The following AMBRA1 variants were observed in gnomAD, a reference collection of about 807,000 sequenced individuals.
The protein encoded by AMBRA1 is activating molecule in BECN1-regulated autophagy protein 1.
Under a neutral mutation model 125.4 loss-of-function variants are expected in AMBRA1, and 47 were observed. The observed-to-expected ratio is 0.37, with a 90% CI of 0.30 to 0.48. The LOEUF (loss-of-function observed/expected upper bound fraction) is 0.48, where lower values mean the gene tolerates loss of function less well. Among genes scored for constraint, AMBRA1 ranks in the 20% least tolerant of loss-of-function variants. AMBRA1 has a pLI of 0.99. For synonymous variants in AMBRA1, 626 were observed against 655.5 expected, an observed-to-expected ratio of 0.95 and a Z score of 0.69; for missense variants, 1,331 against 1,693.4, an observed-to-expected ratio of 0.79 and a Z score of 3.76.
At chr11:46,423,512 C>T (rs1429957979) in intron 14 of AMBRA1, among the ~76,000 whole-genome samples, 1 of 151,942 alleles carries the variant, frequency 6.6e-6, no homozygotes, top group Non-Finnish European at 1.5e-5. Flanking sequence ...CTGCCTCAGC[C>T]TCCTGAGTAG....
At chr11:46,572,547 C>T in intron 1 of AMBRA1, among the ~76,000 whole-genome samples, 1 of 152,154 alleles carries the variant, frequency 6.6e-6, no homozygotes, top group East Asian at 1.9e-4. Flanking sequence ...TAAGCACCCA[C>T]CATGAGGTGC....
At chr11:46,424,255 T>C (rs888497251) in intron 14 of AMBRA1, among the ~76,000 whole-genome samples, 1 of 152,184 alleles carries the variant, frequency 6.6e-6, no homozygotes, top group African/African-American at 2.4e-5. Context: ...AGCCTTTTTT[T>C]TTTTTTAATT....
chr11:46,446,158 G>A lies in AMBRA1; in HGVS notation c.2522-2560C>T, dbSNP rs140954843. ...TCTCTGCCAATGGTGCCAGGGTGCT[G>A]AGGAGGAATGAAGCCTGGCACCAAG... is the stretch of plus-strand genomic sequence containing the variant. On this transcript the variant is annotated intron_variant, in intron 11 of 17. Transcript: ENST00000683756. Among the ~76,000 whole-genome samples, 1,237 of 152,296 alleles carry A rather than the reference G, an allele frequency of 8.1e-3. 9 individuals are homozygous for A. The highest frequency in any genetic ancestry group is 0.014 in the Non-Finnish European group (957 of 68,030).
At chr11:46,477,074 G>A (rs923132471) in intron 11 of AMBRA1, among the ~76,000 whole-genome samples, 4 of 148,672 alleles carry the variant, frequency 2.7e-5, no homozygotes, top group African/African-American at 5.0e-5. Context: ...TTGCGCCACT[G>A]CACTCCAGCC....
At chr11:46,421,012 CCT>C (rs1450172984) in intron 14 of AMBRA1, among the ~76,000 whole-genome samples, 1 of 152,182 alleles carries the variant, frequency 6.6e-6, no homozygotes, top group Non-Finnish European at 1.5e-5. Flanking sequence ...ACAAAACAAG[CCT>C]CTGTCACAAA....
Position 46,493,647 on chromosome 11 carries a change from C to T in AMBRA1, c.2482G>A (p.Gly828Ser). The T allele has an allele frequency of 6.2e-7, 1 of 1,604,542 alleles. No individual in the cohort carries two copies. Reference sequence around the variant, plus strand: ...TTAACAGAAGAGTGAGTAGCCAAGCCAGGCTGTCCACGTTCATGAAAAATC... The same window carrying T: ...TTAACAGAAGAGTGAGTAGCCAAGCTAGGCTGTCCACGTTCATGAAAAATC... ...AGIFHERGQP[G>S]LATHSSVNRV... The change falls in exon 11 of 18, where the codon GGC becomes AGC. Residue 828 changes from glycine (G) to serine (S), a missense_variant. Transcript: ENST00000683756.
chr11:46,450,606 AT>A (rs1026846852), intron 11 of AMBRA1, among the ~76,000 whole-genome samples: 1 of 151,240 alleles, frequency 6.6e-6, no homozygotes, highest in Non-Finnish European at 1.5e-5. Flanking sequence ...TGACCAGCTG[AT>A]TTTTTTTGTA....
At chr11:46,539,348 G>A (rs1405031509) in intron 7 of AMBRA1, among the ~76,000 whole-genome samples, 7 of 152,004 alleles carry the variant, frequency 4.6e-5, no homozygotes, top group East Asian at 1.9e-4. Flanking sequence ...ACCTGAGGTC[G>A]GGAGTTTGAG....
chr11:46,547,690 G>T (rs937824992), intron 3 of AMBRA1, 127 bp downstream of exon 3: 1 of 885,054 alleles, frequency 1.1e-6, no homozygotes, highest in Non-Finnish European at 1.7e-6. Context: ...TTCCGACACG[G>T]GGCCAAAGTG....
At chr11:46,531,853 C>G (rs1952231580) in intron 7 of AMBRA1, among the ~76,000 whole-genome samples, 1 of 152,182 alleles carries the variant, frequency 6.6e-6, no homozygotes, top group Non-Finnish European at 1.5e-5. Flanking sequence ...AGAGGTGGCT[C>G]ACGCCTGTAA....
At chr11:46,481,156 GA>G (rs1179694364) in intron 11 of AMBRA1, among the ~76,000 whole-genome samples, 2 of 152,144 alleles carry the variant, frequency 1.3e-5, no homozygotes, top group Non-Finnish European at 2.9e-5. Context: ...TCCCCAGACT[GA>G]TAAGAGCAGC....
rs1945514514 is a variant in AMBRA1 at position 46,397,566 on chromosome 11, G to A, written c.3781C>T (p.Pro1261Ser). ...SSPVPIPVSL[P>S]SAEGPTLHCE... ...TGGAGGGTTGGTCCCTCAGCGCTGG[G>A]AAGGGAAACAGGAATGGGGACAGGG... The change falls in exon 18 of 18, where the codon CCC (proline) becomes TCC (serine). Residue 1261 changes from proline to serine, a missense_variant. Coordinates refer to ENST00000683756, the MANE Select transcript of AMBRA1 (RefSeq NM_001387011.1). 6.3e-7 allele frequency: 1 copy of A among 1,578,470 alleles called. No individual in the cohort carries two copies. Among genetic ancestry groups the A allele is most frequent in the Non-Finnish European group, 8.6e-7 (1 of 1,160,016 alleles).
chr11:46,507,519 A>C (rs1332555797), intron 9 of AMBRA1, among the ~76,000 whole-genome samples: 1 of 151,694 alleles, frequency 6.6e-6, no homozygotes, highest in Non-Finnish European at 1.5e-5. Flanking sequence ...TAAATTCTAG[A>C]GCCTGGGGCT....
chr11:46,517,122 T>C (rs1951524323), intron 7 of AMBRA1, among the ~76,000 whole-genome samples: 1 of 148,240 alleles, frequency 6.7e-6, no homozygotes, highest in African/African-American at 2.5e-5. Flanking sequence ...TATATAATCA[T>C]AACACACATG....
chr11:46,503,560 A>G (rs935889804), intron 9 of AMBRA1, among the ~76,000 whole-genome samples: 3 of 152,178 alleles, frequency 2.0e-5, no homozygotes, highest in African/African-American at 7.2e-5. Context: ...CCAACTGCTC[A>G]ATGTCGGGTT....
intron 1 of AMBRA1, among the ~76,000 whole-genome samples, chr11:46,590,837 C>T (rs771689468): frequency 1.2e-4 from 18 of 150,518 alleles, no homozygotes; most frequent in Non-Finnish European, 2.2e-4. Context: ...TGCTTCAATC[C>T]GGGAAGTGGA....
intron 1 of AMBRA1, among the ~76,000 whole-genome samples, chr11:46,562,246 GA>G (rs1217976705): frequency 6.6e-6 from 1 of 152,152 alleles, no homozygotes; most frequent in Non-Finnish European, 1.5e-5. Flanking sequence ...GGAGGATGAG[GA>G]GTACCAAGTA....
At chr11:46,531,133 T>C (rs1350290605) in intron 7 of AMBRA1, among the ~76,000 whole-genome samples, 1 of 152,166 alleles carries the variant, frequency 6.6e-6, no homozygotes, top group East Asian at 1.9e-4. Flanking sequence ...TCCACCTGCC[T>C]CGGCCTCCCA....
At chr11:46,421,796 C>T (rs146934022) in intron 14 of AMBRA1, among the ~76,000 whole-genome samples, 137 of 152,296 alleles carry the variant, frequency 9.0e-4, no homozygotes, top group Non-Finnish European at 1.4e-3. Context: ...AAACCATTTA[C>T]GGTTTTGGTC....
Sources: allele counts gnomAD v4.1 joint callset (sites outside exome capture counted in the v4.1 genomes callset), GRCh38; gene constraint gnomAD v4.1.1; transcripts MANE v1.5; gene names NCBI Gene and HGNC (gene_info 2026-07-23, HGNC 2026-07-21).